PREX2: variants seen among roughly 807,000 people sequenced by gnomAD.
PREX2 encodes phosphatidylinositol-3,4,5-trisphosphate dependent Rac exchange factor 2, also known as phosphatidylinositol 3,4,5-trisphosphate-dependent Rac exchanger 2 protein.
A neutral mutation model predicts 203.2 loss-of-function variants in PREX2; 107 were observed. That is an observed-to-expected ratio of 0.53 (90% CI 0.45 to 0.62). PREX2 has a LOEUF of 0.62. Ranked by LOEUF, PREX2 falls within the 20% of genes least tolerant of loss-of-function variation. The probability of loss-of-function intolerance (pLI) is 0.00; values close to 1 mark genes in which losing one functional copy is unlikely to be tolerated. For missense variants in PREX2, 1,777 were observed against 1,955.9 expected (o/e 0.91, Z 1.72); for synonymous variants, 672 against 663.6 (o/e 1.01, Z -0.19).
intron 25 of PREX2, 152 bp downstream of exon 25, chr8:68,109,775 A>G: frequency 1.6e-6 from 1 of 641,814 alleles, no homozygotes; most frequent in Non-Finnish European, 2.7e-6. Flanking sequence ...AACCTTAAAA[A>G]TGTTTTTTAA....
intron 38 of PREX2, among the ~76,000 whole-genome samples, chr8:68,221,464 GT>G (rs1812952129): frequency 6.6e-6 from 1 of 151,640 alleles, no homozygotes; most frequent in Non-Finnish European, 1.5e-5. Flanking sequence ...TCATAGTGTT[GT>G]TGTGAGGATT....
At chr8:67,975,266 C>G (rs1252605212) in intron 1 of PREX2, among the ~76,000 whole-genome samples, 2 of 142,984 alleles carry the variant, frequency 1.4e-5, no homozygotes, top group Non-Finnish European at 3.0e-5. Context: ...TACCTGCACA[C>G]GGCCTGTTTT....
intron 32 of PREX2, among the ~76,000 whole-genome samples, chr8:68,137,186 G>T (rs543338801): frequency 5.3e-5 from 8 of 152,258 alleles, no homozygotes; most frequent in African/African-American, 1.9e-4. Context: ...GCTTACAGGC[G>T]TGAGCCACCA....
At chr8:68,229,043 G>A (rs140317889) in intron 39 of PREX2, among the ~76,000 whole-genome samples, 21 of 151,060 alleles carry the variant, frequency 1.4e-4, no homozygotes, top group African/African-American at 5.1e-4. Flanking sequence ...TCTCATTTGT[G>A]AGATGGGGAG....
intron 23 of PREX2, chr8:68,103,816 G>T (rs1444788135): frequency 4.2e-6 from 2 of 472,760 alleles, no homozygotes; most frequent in African/African-American, 2.0e-5. Context: ...GGTATCCTAT[G>T]CTGACTCCGC....
chr8:68,068,731 C>A (rs1291886868), intron 11 of PREX2, among the ~76,000 whole-genome samples: 1 of 151,914 alleles, frequency 6.6e-6, no homozygotes, highest in East Asian at 1.9e-4. Flanking sequence ...ATTGTGTATA[C>A]CTTTATACAT....
chr8:68,176,787 C>G (rs2129614360), intron 35 of PREX2: 1 of 152,188 alleles, frequency 6.6e-6, no homozygotes, highest in East Asian at 1.9e-4. Flanking sequence ...CTCCAGGGTG[C>G]TTGGTGTTGA....
chr8:67,996,680 A>G (rs13266012), intron 1 of PREX2, among the ~76,000 whole-genome samples: 74,819 of 151,978 alleles, frequency 0.49, 18,795 homozygotes, highest in South Asian at 0.61. Flanking sequence ...TTTATGGTTA[A>G]TATATCATTT....
chr8:68,103,965 A>G (rs1430815038), intron 23 of PREX2, among the ~76,000 whole-genome samples: 1 of 152,048 alleles, frequency 6.6e-6, no homozygotes, highest in Non-Finnish European at 1.5e-5. Context: ...GGTTTAATCC[A>G]TATCTCACGC....
chr8:68,200,481 AAT>A (rs1812479483), intron 37 of PREX2, among the ~76,000 whole-genome samples: 1 of 152,086 alleles, frequency 6.6e-6, no homozygotes, highest in Admixed American at 6.6e-5. Context: ...AAATTGTTAA[AAT>A]TATAGGAAGA....
chr8:68,045,733 G>C (rs1808332541), intron 8 of PREX2, among the ~76,000 whole-genome samples: 1 of 152,000 alleles, frequency 6.6e-6, no homozygotes, highest in Admixed American at 6.6e-5. Context: ...CCAGACAGTT[G>C]GCAGAGGTAG....
intron 1 of PREX2, among the ~76,000 whole-genome samples, chr8:67,963,931 A>G (rs1329520515): frequency 1.3e-5 from 2 of 152,190 alleles, no homozygotes; most frequent in African/African-American, 4.8e-5. Context: ...GCTCAGCCAC[A>G]TCAGGTTATT....
intron 35 of PREX2, among the ~76,000 whole-genome samples, chr8:68,185,564 A>G (rs188298612): frequency 6.6e-6 from 1 of 152,278 alleles, no homozygotes; most frequent in Non-Finnish European, 1.5e-5. Context: ...CCTGTCTTGC[A>G]TTATAAATAC....
chr8:67,959,025 T>C (rs1030548389), intron 1 of PREX2, among the ~76,000 whole-genome samples: 1 of 152,164 alleles, frequency 6.6e-6, no homozygotes, highest in African/African-American at 2.4e-5. Flanking sequence ...AAACCATCAA[T>C]TGAGTGAGAT....
At position 67,976,817 on chromosome 8, in the gene PREX2, G is replaced by C. The variant is rs922781170; in HGVS notation, c.141+24282G>C. Among the ~76,000 whole-genome samples the C allele has an allele frequency of 1.0e-3, 135 of 131,312 alleles. 2 individuals are homozygous for C. Among genetic ancestry groups the C allele is most frequent in the African/African-American group, 3.0e-3 (115 of 37,822 alleles). 86.1% of individuals were successfully genotyped at this position (131,312 alleles called of 152,430 possible). The stretch of plus-strand genomic sequence containing the variant: ...GAGGGGAGAGAGAGAGAGAGAGTGA[G>C]ACAGAGAGAGAGAAGCCAAGGTAAC... On this transcript the variant is annotated intron_variant, in intron 1 of 39. Coordinates refer to ENST00000288368, the MANE Select transcript of PREX2 (RefSeq NM_024870.4).
At chr8:68,004,136 C>G (rs1275092417) in intron 1 of PREX2, among the ~76,000 whole-genome samples, 1 of 152,138 alleles carries the variant, frequency 6.6e-6, no homozygotes, top group Non-Finnish European at 1.5e-5. Context: ...AGAGCTGGAG[C>G]TGAGTCAAGT....
chr8:68,123,019 A>AC (rs1810811254), intron 30 of PREX2, among the ~76,000 whole-genome samples: 1 of 151,968 alleles, frequency 6.6e-6, no homozygotes, highest in Admixed American at 6.6e-5. Context: ...GTCTATCAGG[A>AC]CCATTTGATC....
intron 34 of PREX2, among the ~76,000 whole-genome samples, chr8:68,150,969 T>C (rs1811422020): frequency 6.6e-6 from 1 of 152,148 alleles, no homozygotes; most frequent in Admixed American, 6.5e-5. Context: ...TCTGCCCCTA[T>C]CCTCACACGG....
intron 1 of PREX2, among the ~76,000 whole-genome samples, chr8:68,000,197 C>T (rs1413588329): frequency 3.3e-5 from 5 of 152,152 alleles, no homozygotes; most frequent in African/African-American, 1.2e-4. Flanking sequence ...TCTATAAAAG[C>T]GTATCGTCTT....
Sources: gnomAD v4.1 joint callset for allele counts (sites outside exome capture counted in the v4.1 genomes callset) on GRCh38, gnomAD v4.1.1 for gene constraint, MANE v1.5 for transcripts, NCBI Gene and HGNC (gene_info 2026-07-23, HGNC 2026-07-21) for gene names.